The following PXK variants were observed in gnomAD, a reference collection of about 807,000 sequenced individuals.
PXK encodes the protein PX domain-containing protein kinase-like protein.
A neutral mutation model predicts 84.7 loss-of-function variants in PXK; 35 were observed. The ratio of observed to expected loss-of-function variants is 0.41; its 90% CI spans 0.32 to 0.55. The LOEUF (loss-of-function observed/expected upper bound fraction) is 0.55. Ranked by LOEUF, PXK falls within the 20% of genes least tolerant of loss-of-function variation. The pLI is 0.21. For missense variants in PXK, 634 were observed against 699.7 expected, an observed-to-expected ratio of 0.91 and a Z score of 1.06; for synonymous variants, 253 against 260.8, an observed-to-expected ratio of 0.97 and a Z score of 0.29.
chr3:58,356,557 C>G (rs748875896), intron 1 of PXK, among the ~76,000 whole-genome samples: 9 of 151,938 alleles, frequency 5.9e-5, no homozygotes, highest in Non-Finnish European at 1.0e-4. Context: ...CTTCTCTTTA[C>G]TTTAATAAGA....
At chr3:58,365,983 A>T in intron 2 of PXK, 59 bp downstream of exon 2, 4 of 1,409,540 alleles carry the variant, frequency 2.8e-6, no homozygotes, top group Non-Finnish European at 1.9e-6. Flanking sequence ...CGTGACTAAA[A>T]CCCTGACTTG....
Position 58,399,112 on chromosome 3 carries a change from A to G in PXK, c.1103-187A>G, listed in dbSNP as rs1300479446. Among the ~76,000 whole-genome samples the G allele has an allele frequency of 3.9e-5, 6 of 152,200 alleles. No homozygotes were observed. Among genetic ancestry groups the G allele is most frequent in the African/African-American group, 1.4e-4 (6 of 41,446 alleles). On this transcript the variant is annotated intron_variant, in intron 11 of 17. Transcript: ENST00000356151. The surrounding 1 kb of genome is among the most constrained non-coding windows in gnomAD (Gnocchi z 4.3). Reference sequence around the variant, plus strand: ...GTTTCTAAACCATTTCTTTTGAGTCATCGGTAACGCCAGTGTTGCCAGCAT... The same window carrying G: ...GTTTCTAAACCATTTCTTTTGAGTCGTCGGTAACGCCAGTGTTGCCAGCAT...
intron 3 of PXK, among the ~76,000 whole-genome samples, chr3:58,374,967 T>C (rs541532312): frequency 9.4e-4 from 143 of 152,286 alleles, no homozygotes; most frequent in African/African-American, 3.3e-3. Context: ...ATTGCAGCTG[T>C]TGGCAAAAGA....
rs2060140313 is a variant in PXK at position 58,411,131 on chromosome 3, T to C, written c.1465+972T>C. Reference sequence around the variant, plus strand: ...GGAAATTGGGGATATTCACAGGTCATGCCTCAGTCTTCTCAGTGAAGTCAG... The same window carrying C: ...GGAAATTGGGGATATTCACAGGTCACGCCTCAGTCTTCTCAGTGAAGTCAG... On this transcript the variant is annotated intron_variant, in intron 16 of 17. Transcript: ENST00000356151. The surrounding 1 kb of genome is among the most constrained non-coding windows in gnomAD (Gnocchi z 4.2). Among the ~76,000 whole-genome samples, 1 of 152,158 alleles carries C rather than the reference T, an allele frequency of 6.6e-6. No homozygotes were observed. The highest frequency in any genetic ancestry group is 1.5e-5 in the Non-Finnish European group (1 of 68,028).
intron 1 of PXK, among the ~76,000 whole-genome samples, chr3:58,353,347 G>A (rs571689527): frequency 1.3e-5 from 2 of 152,306 alleles, no homozygotes; most frequent in African/African-American, 4.8e-5. Flanking sequence ...CTGAAAAGAA[G>A]ATGCGTTTGG....
At chr3:58,337,901 A>G (rs553181522) in intron 1 of PXK, among the ~76,000 whole-genome samples, 21 of 152,336 alleles carry the variant, frequency 1.4e-4, no homozygotes, top group Admixed American at 4.6e-4. Flanking sequence ...CAGAATAACT[A>G]TTCAAATGTA....
Position 58,385,981 on chromosome 3 carries a change from G to T in PXK, c.388+3281G>T, listed in dbSNP as rs530535962. Among the ~76,000 whole-genome samples the T allele has an allele frequency of 5.9e-5, 9 of 152,252 alleles. No homozygotes were observed. The highest frequency in any genetic ancestry group is 2.2e-4 in the African/African-American group (9 of 41,544). On this transcript the variant is annotated intron_variant, in intron 4 of 17. Coordinates refer to ENST00000356151, the MANE Select transcript of PXK (RefSeq NM_017771.5). This position sits in a 1 kb window ranked among gnomAD's most constrained non-coding sequence, Gnocchi z 5.1. ...GGGTGAGGGTGTCTTGTTGGAGGGGGACTGTGATGGCATTCTGCTCCCAGG... is the reference window on the plus strand; with the variant it reads ...GGGTGAGGGTGTCTTGTTGGAGGGGTACTGTGATGGCATTCTGCTCCCAGG...
Position 58,365,788 on chromosome 3 carries a change from A to AT in PXK, c.103-80dup, listed in dbSNP as rs2108435483. 5.2e-6 allele frequency: 6 copies of AT among 1,156,076 alleles called. No individual in the cohort carries two copies. The African/African-American group carries it at 6.4e-5, about 12-fold the overall frequency. 71.6% of individuals were successfully genotyped at this position (1,156,076 alleles called of 1,614,324 possible). ...CTTGCTCTGAAGTCTACTTTATCTGATTTTTTAAAACTTATTTTTGATTCC... is the reference window on the plus strand; with the variant it reads ...CTTGCTCTGAAGTCTACTTTATCTGATTTTTTTAAAACTTATTTTTGATTCC... On this transcript the variant is annotated intron_variant, in intron 1 of 17. Coordinates refer to ENST00000356151, the MANE Select transcript of PXK (RefSeq NM_017771.5).
intron 1 of PXK, among the ~76,000 whole-genome samples, chr3:58,363,377 C>T (rs2098220568): frequency 6.6e-6 from 1 of 152,204 alleles, no homozygotes; most frequent in Non-Finnish European, 1.5e-5. Context: ...TTTGCCAAGG[C>T]TGGAGTGCGG....
chr3:58,401,269 G>C lies in PXK; in HGVS notation c.1181+1892G>C, dbSNP rs2058518129. Among the ~76,000 whole-genome samples, 1 of 152,118 alleles carries C rather than the reference G, an allele frequency of 6.6e-6. No homozygotes were observed. Among genetic ancestry groups the C allele is most frequent in the Admixed American group, 6.5e-5 (1 of 15,274 alleles). The stretch of plus-strand genomic sequence containing the variant: ...AGGCGGGGCCCTGAAGAGCCCTGTG[G>C]GGAAAGCTAATCCTGTCATTTCTAC... On this transcript the variant is annotated intron_variant, in intron 12 of 17. Coordinates refer to ENST00000356151, the MANE Select transcript of PXK (RefSeq NM_017771.5). The surrounding 1 kb of genome is among the most constrained non-coding windows in gnomAD (Gnocchi z 4.4).
chr3:58,408,769 G>A (rs1576687553), intron 13 of PXK, among the ~76,000 whole-genome samples, 155 bp from the exon 14 acceptor site: 1 of 152,206 alleles, frequency 6.6e-6, no homozygotes, highest in African/African-American at 2.4e-5. Flanking sequence ...TGATCCGCCC[G>A]CCTTGGCCTC....
At chr3:58,349,373 T>TTTTTA (rs2097879699) in intron 1 of PXK, among the ~76,000 whole-genome samples, 3 of 150,538 alleles carry the variant, frequency 2.0e-5, no homozygotes, top group Non-Finnish European at 1.5e-5. Context: ...TTTTTTTTTT[T>TTTTTA]GAGACGGAGT....
At chr3:58,419,450 G>C (rs994345387) in intron 17 of PXK, among the ~76,000 whole-genome samples, 1 of 152,128 alleles carries the variant, frequency 6.6e-6, no homozygotes, top group Non-Finnish European at 1.5e-5. Context: ...ACAGGGTTTC[G>C]CCATGTTGGC....
At chr3:58,349,668 A>G in intron 1 of PXK, among the ~76,000 whole-genome samples, 1 of 152,230 alleles carries the variant, frequency 6.6e-6, no homozygotes, top group East Asian at 1.9e-4. Flanking sequence ...ATTTTCATAA[A>G]TATCTGTGTT....
At position 58,333,277 on chromosome 3, in the gene PXK, G is replaced by A. The variant is rs886650657; in HGVS notation, c.102+187G>A. The A allele has an allele frequency of 2.0e-5, 5 of 255,580 alleles. No individual in the cohort carries two copies. The highest frequency in any genetic ancestry group is 1.2e-4 in the African/African-American group (5 of 43,444). The allele number at this position is 255,580 out of a possible 1,614,324, so 15.8% of individuals were successfully genotyped here. On this transcript the variant is annotated intron_variant, in intron 1 of 17. Transcript: ENST00000356151. The surrounding 1 kb of genome is among the most constrained non-coding windows in gnomAD (Gnocchi z 5.4). ...CAGGGCCCCTGGGGCCCAGGCGAAC[G>A]CTGAGGCCCGGAGGGGCCAAGGATG...
Position 58,364,963 on chromosome 3 carries a change from A to G in PXK, c.103-911A>G, listed in dbSNP as rs1195829122. Among the ~76,000 whole-genome samples the G allele has an allele frequency of 2.6e-5, 4 of 151,786 alleles. No individual in the cohort carries two copies. The highest frequency in any genetic ancestry group is 5.9e-5 in the Non-Finnish European group (4 of 67,958). On this transcript the variant is annotated intron_variant, in intron 1 of 17. Transcript: ENST00000356151. This position sits in a 1 kb window ranked among gnomAD's most constrained non-coding sequence, Gnocchi z 4.3. ...TTTGTCAATTTTATTGGTCTTTTCA[A>G]ATAATCAGCTTTTTATTTCTTGACT... is the stretch of plus-strand genomic sequence containing the variant.
Position 58,333,041 on chromosome 3 carries a change from T to C in PXK, c.53T>C (p.Val18Ala), listed in dbSNP as rs2097522742. ...GGCAAGGTGCTGCTGGACGACACGG[T>C]GCCGCTGACAGCAGCCATCGAGGCG... is the stretch of plus-strand genomic sequence containing the variant. ...PAGKVLLDDTVPLTAAIEASQ... is the reference protein window; with the variant it reads ...PAGKVLLDDTAPLTAAIEASQ... The change falls in exon 1 of 18, where the codon GTG (valine) becomes GCG (alanine). Residue 18 changes from valine (V) to alanine (A), a missense_variant. Physicochemically the swap from Val to Ala is moderately conservative, Grantham distance 64. Transcript: ENST00000356151. This position sits in a 1 kb window ranked among gnomAD's most constrained non-coding sequence, Gnocchi z 5.4. 2 of 1,348,518 alleles carry C rather than the reference T, an allele frequency of 1.5e-6. No homozygotes were observed. Among genetic ancestry groups the C allele is most frequent in the African/African-American group, 1.5e-5 (1 of 64,864 alleles). 83.5% of individuals were successfully genotyped at this position (1,348,518 alleles called of 1,614,324 possible).
intron 3 of PXK, among the ~76,000 whole-genome samples, chr3:58,378,096 T>G (rs933564590): frequency 1.3e-5 from 2 of 152,306 alleles, no homozygotes; most frequent in South Asian, 4.1e-4. Flanking sequence ...GGTCAGTCTT[T>G]AGGCTGGGGT....
chr3:58,423,601 C>T (rs2062302635), intron 17 of PXK: 2 of 1,511,784 alleles, frequency 1.3e-6, no homozygotes, highest in South Asian at 1.2e-5. Flanking sequence ...GTCGTCCATA[C>T]AAACTTAAGT....
Sources: gnomAD v4.1 joint callset for allele counts (sites outside exome capture counted in the v4.1 genomes callset) on GRCh38, gnomAD v4.1.1 for gene constraint, Gnocchi (gnomAD v3.1) non-coding constraint, MANE v1.5 for transcripts, NCBI Gene and HGNC (gene_info 2026-07-23, HGNC 2026-07-21) for gene names.